The following TRAPPC12 variants were observed in gnomAD, a reference collection of about 807,000 sequenced individuals.
The protein encoded by TRAPPC12 is TPR repeat protein 15.
TRAPPC12 carries 61 observed loss-of-function variants against 69.2 expected under a neutral mutation model. The ratio of observed to expected loss-of-function variants is 0.88; its 90% CI spans 0.72 to 1.09. The LOEUF is 1.09. Ranked by LOEUF, TRAPPC12 falls within the 50% of genes least tolerant of loss-of-function variation. TRAPPC12 has a pLI of 0.00. For synonymous variants in TRAPPC12, 469 were observed against 438.9 expected (o/e 1.07, Z -0.86); for missense variants, 1,101 against 1,016.4 (o/e 1.08, Z -1.13).
intron 8 of TRAPPC12, among the ~76,000 whole-genome samples, chr2:3,464,014 G>A (rs1017330754): frequency 6.6e-6 from 1 of 152,138 alleles, no homozygotes; most frequent in Non-Finnish European, 1.5e-5. Flanking sequence ...AGCCCAGGGT[G>A]TGCAGGCCCC....
At chr2:3,381,941 CAG>C (rs925196834) in intron 1 of TRAPPC12, among the ~76,000 whole-genome samples, 3 of 152,104 alleles carry the variant, frequency 2.0e-5, no homozygotes, top group African/African-American at 7.2e-5. Context: ...TTTGAATATA[CAG>C]AGTCATGCTG....
Position 3,385,219 on chromosome 2 carries a change from C to T in TRAPPC12, c.-4-2401C>T, listed in dbSNP as rs564524954. 4.7e-4 allele frequency among the ~76,000 whole-genome samples: 72 copies of T among 152,252 alleles called. 1 individual carries two copies. Among genetic ancestry groups the T allele is most frequent in the Admixed American group, 3.4e-3 (52 of 15,304 alleles). The stretch of plus-strand genomic sequence containing the variant: ...TAGAGAAGAAACCCTCAGATCCTTA[C>T]TTACAAGCATTTTCCTGCATCTAGA... On this transcript the variant is annotated intron_variant, in intron 1 of 11. Coordinates refer to ENST00000324266, the MANE Select transcript of TRAPPC12 (RefSeq NM_016030.6).
chr2:3,455,082 C>T (rs1356132359), intron 6 of TRAPPC12: 2 of 152,284 alleles, frequency 1.3e-5, no homozygotes, highest in African/African-American at 4.8e-5. Flanking sequence ...CGGGGACCGC[C>T]AGTGGGCGTG....
intron 2 of TRAPPC12, among the ~76,000 whole-genome samples, chr2:3,395,398 TATC>T (rs1484025435): frequency 6.6e-6 from 1 of 151,996 alleles, no homozygotes; most frequent in African/African-American, 2.4e-5. Flanking sequence ...GGAAATGAGC[TATC>T]ATACACAATA....
intron 3 of TRAPPC12, among the ~76,000 whole-genome samples, chr2:3,419,116 C>T (rs1662622650): frequency 6.6e-6 from 1 of 152,242 alleles, no homozygotes; most frequent in South Asian, 2.1e-4. Flanking sequence ...CCCTCCCCTT[C>T]CCTGATTAAC....
intron 8 of TRAPPC12, chr2:3,462,963 T>C (rs1036020527): frequency 2.5e-5 from 12 of 470,800 alleles, no homozygotes; most frequent in Non-Finnish European, 4.8e-5. Context: ...ACTGCAGAAG[T>C]CCTTGCTGGT....
intron 5 of TRAPPC12, among the ~76,000 whole-genome samples, chr2:3,425,145 G>A (rs566898456): frequency 6.6e-6 from 1 of 152,336 alleles, no homozygotes; most frequent in South Asian, 2.1e-4. Flanking sequence ...ACCATTGTTT[G>A]GAAAACACTA....
intron 3 of TRAPPC12, among the ~76,000 whole-genome samples, chr2:3,409,809 T>TCCCTCTAC (rs1248107979): frequency 1.4e-5 from 2 of 147,822 alleles, no homozygotes; most frequent in Non-Finnish European, 3.0e-5. Context: ...CTGTTTCTAT[T>TCCCTCTAC]CCCTCTACTG....
At chr2:3,424,236 A>G (rs1470482020) in intron 4 of TRAPPC12, among the ~76,000 whole-genome samples, 1 of 152,228 alleles carries the variant, frequency 6.6e-6, no homozygotes, top group Non-Finnish European at 1.5e-5. Flanking sequence ...ATTTCTTCTT[A>G]GAGACAGGGT....
At chr2:3,436,571 C>G (rs1455846340) in intron 5 of TRAPPC12, among the ~76,000 whole-genome samples, 3 of 151,924 alleles carry the variant, frequency 2.0e-5, no homozygotes, top group Non-Finnish European at 4.4e-5. Context: ...AATTGATAAA[C>G]CAATAGCGGT....
chr2:3,447,586 C>A (rs1254707917), intron 6 of TRAPPC12, among the ~76,000 whole-genome samples: 1 of 152,100 alleles, frequency 6.6e-6, no homozygotes, highest in Non-Finnish European at 1.5e-5. Context: ...CATGAGGGAT[C>A]CACCCCCAGG....
intron 6 of TRAPPC12, among the ~76,000 whole-genome samples, chr2:3,447,064 A>T (rs978128908): frequency 5.3e-5 from 8 of 151,910 alleles, no homozygotes; most frequent in Non-Finnish European, 1.2e-4. Flanking sequence ...TACAAGAAGC[A>T]CAGTGTCAGC....
intron 9 of TRAPPC12, among the ~76,000 whole-genome samples, chr2:3,472,964 G>C (rs930976391): frequency 4.6e-5 from 7 of 152,198 alleles, no homozygotes; most frequent in African/African-American, 1.7e-4. Flanking sequence ...CAGCCGGCCA[G>C]GGTGGTAGGA....
intron 6 of TRAPPC12, chr2:3,455,467 T>C (rs1665093985): frequency 6.6e-6 from 1 of 152,176 alleles, no homozygotes; most frequent in South Asian, 2.1e-4. Flanking sequence ...GTTCTATTTT[T>C]TTTTTGTACC....
chr2:3,386,246 C>G (rs549638280), intron 1 of TRAPPC12, among the ~76,000 whole-genome samples: 1 of 152,102 alleles, frequency 6.6e-6, no homozygotes, highest in African/African-American at 2.4e-5. Context: ...TTGTTTTATT[C>G]TGAAAAAAAT....
At chr2:3,399,751 G>T (rs1361559806) in intron 2 of TRAPPC12, among the ~76,000 whole-genome samples, 2 of 152,110 alleles carry the variant, frequency 1.3e-5, no homozygotes, top group Non-Finnish European at 2.9e-5. Context: ...GATAGCAAAA[G>T]ATTGAAATAA....
chr2:3,457,289 G>T (rs533727783), intron 6 of TRAPPC12: 8 of 434,418 alleles, frequency 1.8e-5, no homozygotes, highest in South Asian at 1.1e-4. Flanking sequence ...GACTACCAGT[G>T]GGGGGAGGGT....
intron 7 of TRAPPC12, chr2:3,458,331 C>T (rs1665292784): frequency 1.0e-6 from 1 of 986,166 alleles, no homozygotes; most frequent in Non-Finnish European, 1.2e-6. Flanking sequence ...CCCACCCTAG[C>T]CTCACTCCCT....
intron 9 of TRAPPC12, among the ~76,000 whole-genome samples, chr2:3,473,292 G>A (rs1244388752): frequency 6.6e-6 from 1 of 152,222 alleles, no homozygotes; most frequent in Non-Finnish European, 1.5e-5. Flanking sequence ...ACATGGAAGA[G>A]AAGCTAGGGT....
Sources: allele counts gnomAD v4.1 joint callset (sites outside exome capture counted in the v4.1 genomes callset), GRCh38; gene constraint gnomAD v4.1.1; transcripts MANE v1.5; gene names NCBI Gene and HGNC (gene_info 2026-07-23, HGNC 2026-07-21).